Variants in NANS observed in about 807,000 individuals in gnomAD.
NANS encodes the protein N-acetylneuraminate-9-phosphate synthase.
In NANS, 29 loss-of-function variants were observed where a neutral mutation model predicts 33.3. That is an observed-to-expected ratio of 0.87 (90% CI 0.65 to 1.19). The LOEUF (loss-of-function observed/expected upper bound fraction) is 1.19, where lower values mean the gene tolerates loss of function less well. Among genes scored for constraint, NANS ranks in the 50% most tolerant of loss-of-function variants. The pLI, the probability that NANS is intolerant of heterozygous loss-of-function variation, is 0.00. For missense variants in NANS, 394 were observed against 461.1 expected (o/e 0.85, Z 1.33); for synonymous variants, 163 against 177.2 (o/e 0.92, Z 0.64).
chr9:98,080,667 A>G (rs1829812278), intron 4 of NANS, 149 bp from the exon 5 acceptor site: 1 of 782,556 alleles, frequency 1.3e-6, no homozygotes, highest in Non-Finnish European at 2.0e-6. Flanking sequence ...CATCCCTAGG[A>G]AAGAGAGGCT....
At chr9:98,070,298 A>G (rs1475539687) in intron 2 of NANS, among the ~76,000 whole-genome samples, 1 of 151,854 alleles carries the variant, frequency 6.6e-6, no homozygotes, top group African/African-American at 2.4e-5. Flanking sequence ...TTGTATTTTT[A>G]GTAGAGACGG....
chr9:98,067,521 ATCT>A (rs531109963), intron 2 of NANS, among the ~76,000 whole-genome samples: 306 of 152,168 alleles, frequency 2.0e-3, no homozygotes, highest in Non-Finnish European at 3.1e-3. Flanking sequence ...TCATCTGCAT[ATCT>A]TCTTTGGAAG....
intron 5 of NANS, chr9:98,081,630 C>G (rs1366894389): frequency 6.5e-6 from 1 of 152,694 alleles, no homozygotes; most frequent in Non-Finnish European, 1.5e-5. Context: ...AGAAGCACTG[C>G]CTGGCATGCT....
rs141394881 is a variant in NANS, at chr9:98,082,626, A to C, written c.871-220A>C. Among the ~76,000 whole-genome samples, 673 of 152,224 alleles carry C rather than the reference A, an allele frequency of 4.4e-3. 2 individuals carry two copies. The highest frequency in any genetic ancestry group is 0.015 in the African/African-American group (631 of 41,536). On this transcript the variant is annotated intron_variant, in intron 5 of 5. Coordinates refer to ENST00000210444, the MANE Select transcript of NANS (RefSeq NM_018946.4). ...ACATAGCCTCAGCCCTTTCCTTTGC[A>C]CTTTGTTGTAAAGGCTCCTCCTCTG...
intron 4 of NANS, among the ~76,000 whole-genome samples, chr9:98,078,771 G>A (rs1262376191): frequency 1.3e-5 from 2 of 149,014 alleles, no homozygotes; most frequent in African/African-American, 2.5e-5. Context: ...GGAGGCAGAG[G>A]TTGCAGTGAG....
At position 98,081,003 on chromosome 9, in the gene NANS, G is replaced by A. The variant is rs150891435; in HGVS notation, c.791G>A (p.Arg264Gln). 104 of 1,614,190 alleles carry A rather than the reference G, an allele frequency of 6.4e-5. 4 individuals are homozygous for A. The Middle Eastern group carries it at 2.0e-3, about 31-fold the overall frequency. Residue 264 changes from arginine to glutamine, a missense_variant, in exon 5 of 6, where the codon CGG (arginine) becomes CAG (glutamine). Physicochemically the swap from Arg to Gln is conservative, Grantham distance 43. Transcript: ENST00000210444. Reference protein sequence around the residue: ...LEPGELAELVRSVRLVERALG... With the variant: ...LEPGELAELVQSVRLVERALG... Reference sequence around the variant, plus strand: ...CCTGGAGAACTGGCCGAGCTGGTGCGGTCAGTGCGTCTTGTGGAGCGTGCC... The same window carrying A: ...CCTGGAGAACTGGCCGAGCTGGTGCAGTCAGTGCGTCTTGTGGAGCGTGCC...
intron 2 of NANS, chr9:98,075,919 T>C (rs796472530): frequency 4.6e-5 from 7 of 152,344 alleles, no homozygotes; most frequent in African/African-American, 1.7e-4. Context: ...TTTACTCTTA[T>C]AACTTGTGAT....
intron 2 of NANS, among the ~76,000 whole-genome samples, chr9:98,062,600 C>T (rs1445390522): frequency 6.6e-6 from 1 of 152,040 alleles, no homozygotes; most frequent in African/African-American, 2.4e-5. Flanking sequence ...TTATTGCCTG[C>T]TGGTACTATT....
intron 1 of NANS, among the ~76,000 whole-genome samples, chr9:98,059,199 A>G (rs1435986460): frequency 2.0e-5 from 3 of 151,296 alleles, no homozygotes; most frequent in Admixed American, 6.6e-5. Context: ...AATTTTTTGT[A>G]TTTTTAGTAG....
intron 2 of NANS, among the ~76,000 whole-genome samples, chr9:98,069,906 T>C (rs997725209): frequency 1.3e-5 from 2 of 152,154 alleles, no homozygotes; most frequent in African/African-American, 4.8e-5. Flanking sequence ...TGAATACTTG[T>C]AGAAATGGTG....
At chr9:98,082,361 C>A (rs1316155079) in intron 5 of NANS, among the ~76,000 whole-genome samples, 2 of 152,176 alleles carry the variant, frequency 1.3e-5, no homozygotes, top group Non-Finnish European at 2.9e-5. Flanking sequence ...CTGTCTGCAA[C>A]CCTGGCCAAG....
rs148983734 is a variant in NANS at position 98,080,956 on chromosome 9, T to C, written c.744T>C (p.Ser248=). 555 of 1,613,824 alleles carry C rather than the reference T, an allele frequency of 3.4e-4. 2 individuals are homozygous for C. In the African/African-American group the frequency reaches 6.9e-3, roughly 20 times the overall value. Residue 248 remains serine (S), a synonymous_variant, in exon 5 of 6, where the codon AGT becomes AGC. Transcript: ENST00000210444. ...CTTTGGACAAGACCTGGAAGGGGAG[T>C]GACCACTCGGCCTCGCTGGAGCCTG... ...HITLDKTWKG[S]DHSASLEPGE... is the part of the protein sequence containing the mutation.
At position 98,082,911 on chromosome 9, in the gene NANS, C is replaced by T. The variant is rs1277069312; in HGVS notation, c.936C>T (p.Leu312=). Residue 312 remains leucine (L), a synonymous_variant, in exon 6 of 6, where the codon CTC becomes CTT. Transcript: ENST00000210444. ...PEGTILTMDM[L]TVKVGEPKGY... is the part of the protein sequence containing the mutation. ...GCACCATTCTAACAATGGACATGCT[C>T]ACCGTGAAGGTGGGTGAGCCCAAAG... 1 of 1,614,198 alleles carries T rather than the reference C, an allele frequency of 6.2e-7. No individual in the cohort carries two copies. The highest frequency in any genetic ancestry group is 8.5e-7 in the Non-Finnish European group (1 of 1,180,042).
At chr9:98,074,343 C>A (rs1231754793) in intron 2 of NANS, among the ~76,000 whole-genome samples, 2 of 152,022 alleles carry the variant, frequency 1.3e-5, no homozygotes, top group Non-Finnish European at 2.9e-5. Context: ...CTGAGGCTGC[C>A]GGGCTGCATG....
chr9:98,067,725 C>CTTTTTTTTTTTT (rs377486473), intron 2 of NANS, among the ~76,000 whole-genome samples: 1 of 148,106 alleles, frequency 6.8e-6, no homozygotes. Context: ...TTTTCACTTT[C>CTTTTTTTTTTTT]TTTTTTTTTT....
At chr9:98,079,519 T>G (rs919092510) in intron 4 of NANS, among the ~76,000 whole-genome samples, 4 of 152,186 alleles carry the variant, frequency 2.6e-5, no homozygotes, top group African/African-American at 9.7e-5. Flanking sequence ...TCTTTTTACC[T>G]AAACTTTCTG....
intron 1 of NANS, among the ~76,000 whole-genome samples, chr9:98,059,760 G>C (rs924659211): frequency 6.6e-6 from 1 of 151,766 alleles, no homozygotes; most frequent in Non-Finnish European, 1.5e-5. Context: ...AAACAATCCG[G>C]CTTTTATATT....
intron 3 of NANS, 68 bp from the exon 4 acceptor site, chr9:98,078,125 G>C: frequency 6.3e-7 from 1 of 1,599,132 alleles, no homozygotes; most frequent in South Asian, 1.1e-5. Context: ...CCAGCAGTTG[G>C]GATGTGTTGG....
chr9:98,074,326 A>C (rs377750553), intron 2 of NANS, among the ~76,000 whole-genome samples: 85 of 152,158 alleles, frequency 5.6e-4, no homozygotes, highest in African/African-American at 2.0e-3. Flanking sequence ...GGAGGGAGAG[A>C]GGAGTGCTGA....
Sources: allele counts gnomAD v4.1 joint callset (sites outside exome capture counted in the v4.1 genomes callset), GRCh38; gene constraint gnomAD v4.1.1; transcripts MANE v1.5; gene names NCBI Gene and HGNC (gene_info 2026-07-23, HGNC 2026-07-21).